PIGL: variants seen among roughly 807,000 people sequenced by gnomAD.
PIGL encodes phosphatidylinositol glycan anchor biosynthesis class L, also known as N-acetylglucosaminyl-phosphatidylinositol de-N-acetylase.
PIGL carries 22 observed loss-of-function variants against 31.1 expected under a neutral mutation model. The ratio of observed to expected loss-of-function variants is 0.71; its 90% CI spans 0.51 to 1.01. The LOEUF (loss-of-function observed/expected upper bound fraction) is 1.01. PIGL is among the 50% of genes least tolerant of loss of function. PIGL has a pLI of 0.00. For missense variants in PIGL, 302 were observed against 315.9 expected (o/e 0.96, Z 0.33); for synonymous variants, 131 against 117.4 (o/e 1.12, Z -0.75).
chr17:16,283,141 TAC>T (rs1428073100), intron 2 of PIGL, among the ~76,000 whole-genome samples: 4 of 152,218 alleles, frequency 2.6e-5, no homozygotes, highest in African/African-American at 9.6e-5. Context: ...TAGCTGGGAT[TAC>T]AGTCACACAT....
intron 1 of PIGL, 50 bp downstream of exon 1, chr17:16,217,511 T>A: frequency 7.0e-7 from 1 of 1,426,658 alleles, no homozygotes; most frequent in Non-Finnish European, 9.9e-7. Context: ...GAAAGGGATT[T>A]AAGTGCTAAC....
chr17:16,303,671 T>C (rs1307170890), intron 3 of PIGL, among the ~76,000 whole-genome samples: 1 of 151,950 alleles, frequency 6.6e-6, no homozygotes, highest in African/African-American at 2.4e-5. Flanking sequence ...CCTGAGTAGC[T>C]GGGACTACAG....
At chr17:16,224,755 C>A (rs1163983571) in intron 1 of PIGL, among the ~76,000 whole-genome samples, 4 of 152,208 alleles carry the variant, frequency 2.6e-5, no homozygotes, top group Non-Finnish European at 5.9e-5. Context: ...CTCCCAGGTT[C>A]AAGCGATTCT....
intron 4 of PIGL, 66 bp from the exon 5 acceptor site, chr17:16,316,615 C>A: frequency 6.7e-7 from 1 of 1,494,716 alleles, no homozygotes; most frequent in Non-Finnish European, 9.2e-7. Context: ...CCTCTGAAGG[C>A]CCCTCCTGTT....
chr17:16,314,672 G>A (rs1037175346), intron 4 of PIGL, among the ~76,000 whole-genome samples: 1 of 152,158 alleles, frequency 6.6e-6, no homozygotes, highest in African/African-American at 2.4e-5. Context: ...AGACTATTCG[G>A]TTCCTGGTCC....
intron 3 of PIGL, among the ~76,000 whole-genome samples, chr17:16,308,955 T>TA (rs1160578318): frequency 1.3e-5 from 2 of 152,034 alleles, no homozygotes; most frequent in African/African-American, 4.8e-5. Flanking sequence ...CCCAGCTAAT[T>TA]AAAAAAATTT....
chr17:16,222,692 T>G (rs2092634756), intron 1 of PIGL, among the ~76,000 whole-genome samples: 2 of 151,272 alleles, frequency 1.3e-5, no homozygotes, highest in South Asian at 4.2e-4. Flanking sequence ...CCAAGGAACA[T>G]TAGTTCATCA....
At chr17:16,295,094 A>G (rs1429002992) in intron 2 of PIGL, among the ~76,000 whole-genome samples, 1 of 152,180 alleles carries the variant, frequency 6.6e-6, no homozygotes, top group African/African-American at 2.4e-5. Context: ...ACATCCGTCC[A>G]TCGGGGGACT....
intron 1 of PIGL, among the ~76,000 whole-genome samples, chr17:16,223,297 GGCCAGGCGCAGTGGCTCGT>G (rs1344556966): frequency 6.6e-6 from 1 of 152,078 alleles, no homozygotes; most frequent in Admixed American, 6.6e-5. Flanking sequence ...GCTCATTCTT[GGCCAGGCGCAGTGGCTCGT>G]GCCTGTAACC....
At chr17:16,317,608 C>T in intron 5 of PIGL, 167 bp from the exon 6 acceptor site, 2 of 1,429,532 alleles carry the variant, frequency 1.4e-6, no homozygotes, top group Non-Finnish European at 1.8e-6. Context: ...GTTCTAGCTG[C>T]AAGAATCATG....
chr17:16,272,784 G>C (rs2092878086), intron 2 of PIGL, among the ~76,000 whole-genome samples: 1 of 152,120 alleles, frequency 6.6e-6, no homozygotes, highest in Non-Finnish European at 1.5e-5. Flanking sequence ...ACAGTCCCTG[G>C]CTCCAGCTGT....
intron 2 of PIGL, among the ~76,000 whole-genome samples, chr17:16,251,582 G>A (rs1600778439): frequency 6.6e-6 from 1 of 151,274 alleles, no homozygotes; most frequent in Admixed American, 6.6e-5. Context: ...AAAGAGGGGG[G>A]AAAAAATCTA....
chr17:16,265,972 C>G (rs1258659874), intron 2 of PIGL, among the ~76,000 whole-genome samples: 4 of 152,030 alleles, frequency 2.6e-5, no homozygotes, highest in Non-Finnish European at 4.4e-5. Context: ...ACTGAGGGCC[C>G]TTTCACCCAG....
At chr17:16,247,453 A>T (rs2092753405) in intron 2 of PIGL, among the ~76,000 whole-genome samples, 1 of 152,240 alleles carries the variant, frequency 6.6e-6, no homozygotes, top group Non-Finnish European at 1.5e-5. Context: ...AATATAAGGA[A>T]TGGAGAGGCA....
At chr17:16,234,158 G>C (rs1019753203) in intron 2 of PIGL, 88 bp downstream of exon 2, 4 of 737,400 alleles carry the variant, frequency 5.4e-6, no homozygotes, top group African/African-American at 1.8e-5. Flanking sequence ...TAATGTGAGT[G>C]GCTGAGAACA....
chr17:16,256,275 T>C (rs1263324169), intron 2 of PIGL, among the ~76,000 whole-genome samples: 2 of 152,238 alleles, frequency 1.3e-5, no homozygotes, highest in East Asian at 3.8e-4. Flanking sequence ...TTTAAAGTTT[T>C]CTGTGCATAT....
intron 1 of PIGL, among the ~76,000 whole-genome samples, chr17:16,228,631 G>A (rs545664932): frequency 1.3e-5 from 2 of 150,348 alleles, no homozygotes; most frequent in African/African-American, 4.9e-5. Flanking sequence ...CTCGTGATCC[G>A]CCCGCCTTGG....
At chr17:16,239,962 T>C (rs77977874) in intron 2 of PIGL, among the ~76,000 whole-genome samples, 7,209 of 152,128 alleles carry the variant, frequency 0.047, 200 homozygotes, top group African/African-American at 0.086. Flanking sequence ...CCTGAATTAC[T>C]CAGTGATATG....
intron 2 of PIGL, among the ~76,000 whole-genome samples, chr17:16,271,078 G>A (rs1244438122): frequency 6.6e-6 from 1 of 152,042 alleles, no homozygotes; most frequent in African/African-American, 2.4e-5. Context: ...ATTGAATAAA[G>A]TCTATTAAAA....
Sources: gnomAD v4.1 joint callset for allele counts (sites outside exome capture counted in the v4.1 genomes callset) on GRCh38, gnomAD v4.1.1 for gene constraint, MANE v1.5 for transcripts, NCBI Gene and HGNC (gene_info 2026-07-23, HGNC 2026-07-21) for gene names.